Variants in DCC observed in about 807,000 individuals in gnomAD.
DCC encodes netrin receptor DCC.
Under a neutral mutation model 172.5 loss-of-function variants are expected in DCC, and 58 were observed. The ratio of observed to expected loss-of-function variants is 0.34; its 90% CI spans 0.27 to 0.42. DCC has a LOEUF of 0.42. Ranked by LOEUF, DCC falls within the 10% of genes least tolerant of loss-of-function variation. The probability of loss-of-function intolerance (pLI) is 1.00; values close to 1 mark genes in which losing one functional copy is unlikely to be tolerated. For synonymous variants in DCC, 709 were observed against 644.5 expected, an observed-to-expected ratio of 1.10 and a Z score of -1.52; for missense variants, 1,740 against 1,791.0, an observed-to-expected ratio of 0.97 and a Z score of 0.51.
chr18:52,578,729 C>T (rs1164103862), intron 1 of DCC, among the ~76,000 whole-genome samples: 4 of 152,254 alleles, frequency 2.6e-5, no homozygotes, highest in Middle Eastern at 3.4e-3. Flanking sequence ...AGGCTGGGCA[C>T]GGTGGCTCAT....
At chr18:53,448,192 A>G (rs1323193115) in intron 22 of DCC, among the ~76,000 whole-genome samples, 1 of 151,946 alleles carries the variant, frequency 6.6e-6, no homozygotes, top group Non-Finnish European at 1.5e-5. Context: ...GAGTATTTGT[A>G]TTAATACGTT....
intron 7 of DCC, among the ~76,000 whole-genome samples, chr18:53,156,142 A>G (rs1008846707): frequency 5.9e-5 from 9 of 152,182 alleles, no homozygotes; most frequent in African/African-American, 1.9e-4. Context: ...CTTGGGCTGT[A>G]TCTTTTCTAC....
chr18:53,448,094 A>G lies in DCC; in HGVS notation c.3230-2406A>G, dbSNP rs75306585. Reference sequence around the variant, plus strand: ...TTACAAAAGCAATGATTCTTAGGCAACTTGTCAAAAGACGTCATTTCAGTT... The same window carrying G: ...TTACAAAAGCAATGATTCTTAGGCAGCTTGTCAAAAGACGTCATTTCAGTT... On this transcript the variant is annotated intron_variant, in intron 22 of 28. Coordinates refer to ENST00000442544, the MANE Select transcript of DCC (RefSeq NM_005215.4). Among the ~76,000 whole-genome samples, 1,202 of 147,564 alleles carry G rather than the reference A, an allele frequency of 8.1e-3. 9 individuals are homozygous for G. Among genetic ancestry groups the G allele is most frequent in the Non-Finnish European group, 0.014 (929 of 67,516 alleles).
chr18:52,761,026 T>C (rs2037151742), intron 2 of DCC, among the ~76,000 whole-genome samples: 1 of 152,232 alleles, frequency 6.6e-6, no homozygotes, highest in Non-Finnish European at 1.5e-5. Flanking sequence ...AGCAGTCTAA[T>C]ACATTGGTCA....
intron 2 of DCC, among the ~76,000 whole-genome samples, chr18:52,793,058 G>A (rs2037806766): frequency 6.6e-6 from 1 of 152,220 alleles, no homozygotes; most frequent in African/African-American, 2.4e-5. Flanking sequence ...ATAAAGAGGT[G>A]TGGTGGCAGA....
chr18:53,171,474 A>G (rs1454208777), intron 8 of DCC, among the ~76,000 whole-genome samples: 1 of 152,196 alleles, frequency 6.6e-6, no homozygotes, highest in African/African-American at 2.4e-5. Context: ...TACTTTATGT[A>G]AGACTGAGAA....
chr18:52,965,034 C>A (rs951193892), intron 5 of DCC: 1 of 152,104 alleles, frequency 6.6e-6, no homozygotes. Flanking sequence ...TTTTGAGGAT[C>A]CTTGTGTTTA....
At chr18:52,687,431 C>G (rs1221300339) in intron 1 of DCC, among the ~76,000 whole-genome samples, 1 of 151,682 alleles carries the variant, frequency 6.6e-6, no homozygotes, top group Admixed American at 6.6e-5. Context: ...ATTACAGGCA[C>G]CTGCCACCAT....
chr18:52,819,413 G>T (rs9304433), intron 2 of DCC, among the ~76,000 whole-genome samples: 17,196 of 152,132 alleles, frequency 0.11, 1,066 homozygotes, highest in South Asian at 0.2. Context: ...GAATGAAATG[G>T]AAGATATTAC....
chr18:52,378,125 G>GA (rs1274867024), intron 1 of DCC, among the ~76,000 whole-genome samples: 2 of 152,006 alleles, frequency 1.3e-5, no homozygotes, highest in Non-Finnish European at 2.9e-5. Flanking sequence ...GTTTTAAAAG[G>GA]AATAGATTAA....
intron 1 of DCC, among the ~76,000 whole-genome samples, chr18:52,606,483 A>G (rs2034133245): frequency 6.6e-6 from 1 of 152,178 alleles, no homozygotes; most frequent in Non-Finnish European, 1.5e-5. Flanking sequence ...ATACGTGATC[A>G]TTATTCTAAT....
chr18:52,544,028 C>T (rs1197717510), intron 1 of DCC, among the ~76,000 whole-genome samples: 1 of 152,126 alleles, frequency 6.6e-6, no homozygotes, highest in South Asian at 2.1e-4. Flanking sequence ...AATCTGTGGA[C>T]CTGTGATTAA....
intron 1 of DCC, among the ~76,000 whole-genome samples, chr18:52,467,443 A>T (rs1437862034): frequency 6.6e-6 from 1 of 152,128 alleles, no homozygotes; most frequent in Non-Finnish European, 1.5e-5. Context: ...AATCCAGTCT[A>T]TCATTGATGG....
chr18:52,708,500 T>C (rs1042612858), intron 1 of DCC, among the ~76,000 whole-genome samples: 16 of 151,340 alleles, frequency 1.1e-4, no homozygotes, highest in African/African-American at 3.9e-4. Context: ...GAACCAGAAC[T>C]CTAGTAGATA....
chr18:52,389,011 T>C (rs2144343848), intron 1 of DCC, among the ~76,000 whole-genome samples: 1 of 152,174 alleles, frequency 6.6e-6, no homozygotes, highest in East Asian at 1.9e-4. Flanking sequence ...TGCTGGGTGT[T>C]AGTTGTGTAT....
intron 1 of DCC, among the ~76,000 whole-genome samples, chr18:52,432,298 C>T (rs562350401): frequency 6.6e-6 from 1 of 152,242 alleles, no homozygotes; most frequent in African/African-American, 2.4e-5. Flanking sequence ...GTTTTTCCTG[C>T]TGACTTGGGT....
intron 12 of DCC, among the ~76,000 whole-genome samples, chr18:53,219,085 G>A (rs537721911): frequency 6.6e-6 from 1 of 152,164 alleles, no homozygotes; most frequent in South Asian, 2.1e-4. Flanking sequence ...CACTTACTCT[G>A]TACCTGTTTT....
chr18:52,840,323 C>A (rs144384129), intron 2 of DCC, among the ~76,000 whole-genome samples: 2 of 152,276 alleles, frequency 1.3e-5, no homozygotes, highest in African/African-American at 4.8e-5. Flanking sequence ...TTTTTCCAAT[C>A]ATAGTCTCAT....
At chr18:52,435,705 C>T (rs1218459107) in intron 1 of DCC, among the ~76,000 whole-genome samples, 1 of 152,170 alleles carries the variant, frequency 6.6e-6, no homozygotes, top group Non-Finnish European at 1.5e-5. Context: ...ATTTCTGCCG[C>T]CAGGTTTGTT....
Sources: gnomAD v4.1 joint callset for allele counts (sites outside exome capture counted in the v4.1 genomes callset) on GRCh38, gnomAD v4.1.1 for gene constraint, MANE v1.5 for transcripts, NCBI Gene and HGNC (gene_info 2026-07-23, HGNC 2026-07-21) for gene names.